Variants in HSD17B12 observed in about 807,000 individuals in gnomAD.
HSD17B12 encodes very-long-chain 3-oxoacyl-CoA reductase.
HSD17B12 carries 32 observed loss-of-function variants against 39.3 expected under a neutral mutation model. The observed-to-expected ratio is 0.81, with a 90% CI of 0.61 to 1.09. The LOEUF (loss-of-function observed/expected upper bound fraction) is 1.09, where lower values mean the gene tolerates loss of function less well. Ranked by LOEUF, HSD17B12 falls within the 50% of genes least tolerant of loss-of-function variation. The probability of loss-of-function intolerance (pLI) is 0.00; values close to 1 mark genes in which losing one functional copy is unlikely to be tolerated. For synonymous variants in HSD17B12, 150 were observed against 146.7 expected (o/e 1.02, Z -0.16); for missense variants, 342 against 382.9 (o/e 0.89, Z 0.89).
chr11:43,692,630 A>G (rs1033495524), intron 1 of HSD17B12, among the ~76,000 whole-genome samples: 2 of 152,252 alleles, frequency 1.3e-5, no homozygotes, highest in African/African-American at 2.4e-5. Flanking sequence ...TTCTCCAATT[A>G]AAGTTTTAGT....
At chr11:43,590,807 CTT>C in the HSD17B12 span, among the ~76,000 whole-genome samples, 49,589 of 124,940 alleles carry the variant, frequency 0.4, 10,162 homozygotes, top group East Asian at 0.67. Context: ...CCCAGCTCGA[CTT>C]TTTTTTTTTT....
intron 6 of HSD17B12, among the ~76,000 whole-genome samples, chr11:43,823,165 G>T (rs1019371145): frequency 6.6e-6 from 1 of 152,020 alleles, no homozygotes; most frequent in African/African-American, 2.4e-5. Flanking sequence ...TTAAGGGTGG[G>T]TGTGGGTAGG....
At chr11:43,633,319 G>A in the HSD17B12 span, among the ~76,000 whole-genome samples, 1 of 151,958 alleles carries the variant, frequency 6.6e-6, no homozygotes, top group African/African-American at 2.4e-5. Flanking sequence ...ATCACCTGAG[G>A]TCAGGAGTTT....
intron 7 of HSD17B12, among the ~76,000 whole-genome samples, chr11:43,834,748 A>G (rs112121247): frequency 0.01 from 1,586 of 152,288 alleles, 19 homozygotes; most frequent in African/African-American, 0.036. Flanking sequence ...ATCTATAGGA[A>G]GCTGTAAGTG....
At chr11:43,558,394 C>T in the HSD17B12 span, among the ~76,000 whole-genome samples, 12 of 147,424 alleles carry the variant, frequency 8.1e-5, no homozygotes, top group African/African-American at 3.0e-4. Context: ...CAAACCTCAT[C>T]AATGGGAATT....
intron 1 of HSD17B12, among the ~76,000 whole-genome samples, chr11:43,725,591 T>C (rs1160284406): frequency 2.6e-5 from 4 of 152,226 alleles, no homozygotes; most frequent in Non-Finnish European, 5.9e-5. Context: ...TTTTTATCAA[T>C]AATCTATATG....
chr11:43,568,074 G>C, the HSD17B12 span, among the ~76,000 whole-genome samples: 9 of 152,102 alleles, frequency 5.9e-5, no homozygotes, highest in South Asian at 6.2e-4. Flanking sequence ...AGCCCTGTTT[G>C]TTTTTTTATT....
intron 1 of HSD17B12, among the ~76,000 whole-genome samples, chr11:43,694,776 T>G (rs1949894510): frequency 6.6e-6 from 1 of 152,184 alleles, no homozygotes; most frequent in African/African-American, 2.4e-5. Flanking sequence ...AGTGTGCTCA[T>G]TAACGTTACA....
chr11:43,852,906 A>G (rs1158671428), intron 9 of HSD17B12: 7 of 152,226 alleles, frequency 4.6e-5, no homozygotes, highest in Non-Finnish European at 1.0e-4. Flanking sequence ...AGAGGAAGAT[A>G]GAGAGTGACA....
At chr11:43,804,934 G>A (rs1951004518) in intron 4 of HSD17B12, among the ~76,000 whole-genome samples, 1 of 152,146 alleles carries the variant, frequency 6.6e-6, no homozygotes, top group African/African-American at 2.4e-5. Flanking sequence ...CTAGTTAATT[G>A]GTTTGGGATC....
At chr11:43,746,928 T>G (rs7120264) in intron 1 of HSD17B12, among the ~76,000 whole-genome samples, 6,297 of 152,318 alleles carry the variant, frequency 0.041, 400 homozygotes, top group African/African-American at 0.14. Flanking sequence ...GTTATGCAGC[T>G]GCTGACTGTA....
At chr11:43,567,965 A>C in the HSD17B12 span, among the ~76,000 whole-genome samples, 5 of 152,192 alleles carry the variant, frequency 3.3e-5, no homozygotes, top group African/African-American at 9.7e-5. Context: ...AGCAAGAGTC[A>C]ACGGACAATG....
intron 1 of HSD17B12, among the ~76,000 whole-genome samples, chr11:43,744,688 G>C (rs928553003): frequency 6.6e-5 from 10 of 152,176 alleles, no homozygotes; most frequent in African/African-American, 2.4e-4. Context: ...ATCTGAATAA[G>C]ATATGGACTT....
chr11:43,735,313 G>GT (rs1248206703), intron 1 of HSD17B12, among the ~76,000 whole-genome samples: 1 of 152,148 alleles, frequency 6.6e-6, no homozygotes, highest in African/African-American at 2.4e-5. Context: ...AGGTCATATG[G>GT]TATTTCTGTT....
chr11:43,719,587 C>T (rs2134859709), intron 1 of HSD17B12, among the ~76,000 whole-genome samples: 1 of 150,450 alleles, frequency 6.6e-6, no homozygotes, highest in East Asian at 1.9e-4. Context: ...GTTTCCCTCA[C>T]TCCTTGTGCA....
intron 7 of HSD17B12, 136 bp from the exon 8 acceptor site, chr11:43,838,181 A>C: frequency 1.5e-6 from 1 of 660,892 alleles, no homozygotes; most frequent in East Asian, 2.7e-5. Flanking sequence ...CATACTGATG[A>C]AAGGCAGGGA....
At chr11:43,633,996 C>A in the HSD17B12 span, among the ~76,000 whole-genome samples, 1 of 142,152 alleles carries the variant, frequency 7.0e-6, no homozygotes, top group Non-Finnish European at 1.5e-5. Context: ...CTCGCTTGAA[C>A]CCGGGAGGCG....
the HSD17B12 span, among the ~76,000 whole-genome samples, chr11:43,593,052 G>A: frequency 4.6e-5 from 7 of 152,288 alleles, no homozygotes; most frequent in East Asian, 7.7e-4. Context: ...TGAAAATGCC[G>A]AAATTGTATG....
chr11:43,834,635 A>G (rs2135120034), intron 7 of HSD17B12, among the ~76,000 whole-genome samples: 1 of 152,316 alleles, frequency 6.6e-6, no homozygotes, highest in East Asian at 1.9e-4. Context: ...ATATTAAAGC[A>G]CTTATAAAAT....
Sources: allele counts gnomAD v4.1 joint callset (sites outside exome capture counted in the v4.1 genomes callset), GRCh38; gene constraint gnomAD v4.1.1; transcripts MANE v1.5; gene names NCBI Gene and HGNC (gene_info 2026-07-23, HGNC 2026-07-21).